Variants in NEK11 observed in about 807,000 individuals in gnomAD.
NEK11 encodes the protein serine/threonine-protein kinase Nek11.
A neutral mutation model predicts 80.7 loss-of-function variants in NEK11; 72 were observed. The observed-to-expected ratio is 0.89, with a 90% CI of 0.74 to 1.08. NEK11 has a LOEUF of 1.08. Among genes scored for constraint, NEK11 ranks in the 50% least tolerant of loss-of-function variants. The pLI is 0.00. For synonymous variants in NEK11, 251 were observed against 260.7 expected (o/e 0.96, Z 0.36); for missense variants, 764 against 763.6 (o/e 1.00, Z -0.01).
intron 4 of NEK11, among the ~76,000 whole-genome samples, chr3:131,086,654 AC>A (rs1191466649): frequency 6.6e-6 from 1 of 152,126 alleles, no homozygotes; most frequent in Admixed American, 6.5e-5. Context: ...AAGAAACAGG[AC>A]CCCAGAAAGT....
chr3:131,140,456 G>A lies in NEK11; in HGVS notation c.647+6500G>A, dbSNP rs527981145. Among the ~76,000 whole-genome samples, 337 of 152,272 alleles carry A rather than the reference G, an allele frequency of 2.2e-3. 3 individuals are homozygous for A. Among genetic ancestry groups the A allele is most frequent in the Non-Finnish European group, 2.9e-3 (198 of 68,012 alleles). ...TTGAGCATCACCAGCAGATGCTGTG[G>A]GGAGCAGGTTCAAGGCTTCCCTGTC... On this transcript the variant is annotated intron_variant, in intron 7 of 17. Coordinates refer to ENST00000383366, the MANE Select transcript of NEK11 (RefSeq NM_024800.5).
At chr3:131,203,765 GTGTATATA>G (rs2094344464) in intron 14 of NEK11, among the ~76,000 whole-genome samples, 3 of 104,320 alleles carry the variant, frequency 2.9e-5, no homozygotes, top group South Asian at 2.7e-4. Flanking sequence ...GTGTGTGTGT[GTGTATATA>G]TATATATATA....
chr3:131,103,025 G>A (rs1190539243), intron 4 of NEK11, among the ~76,000 whole-genome samples: 1 of 152,024 alleles, frequency 6.6e-6, no homozygotes, highest in Non-Finnish European at 1.5e-5. Context: ...GCTCAATTTG[G>A]TTCTTTTTTA....
intron 15 of NEK11, among the ~76,000 whole-genome samples, chr3:131,230,596 G>A (rs1380695493): frequency 1.3e-5 from 2 of 152,150 alleles, no homozygotes; most frequent in Non-Finnish European, 2.9e-5. Context: ...GTTAAAGTGA[G>A]ATTTTCTAAC....
intron 16 of NEK11, among the ~76,000 whole-genome samples, chr3:131,254,592 G>T (rs140174267): frequency 1.2e-4 from 18 of 152,336 alleles, no homozygotes; most frequent in African/African-American, 3.8e-4. Context: ...TTAATGGGAA[G>T]TGAGGTTTTG....
At chr3:131,252,523 C>T (rs2095725616) in intron 16 of NEK11, among the ~76,000 whole-genome samples, 1 of 152,054 alleles carries the variant, frequency 6.6e-6, no homozygotes, top group South Asian at 2.1e-4. Context: ...ATTTTTCTTT[C>T]TTACATCACA....
At chr3:131,027,515 C>T (rs897467947) in intron 1 of NEK11, 2 of 152,070 alleles carry the variant, frequency 1.3e-5, no homozygotes, top group Non-Finnish European at 2.9e-5. Flanking sequence ...TGGACACTTA[C>T]TTGCCTTAAC....
intron 4 of NEK11, among the ~76,000 whole-genome samples, chr3:131,103,649 C>A (rs989579549): frequency 3.5e-4 from 53 of 152,154 alleles, no homozygotes; most frequent in African/African-American, 1.2e-3. Context: ...ACTGTACCTG[C>A]ATTTCTTTTG....
chr3:131,171,435 C>T (rs746378848), intron 14 of NEK11, among the ~76,000 whole-genome samples: 4 of 152,150 alleles, frequency 2.6e-5, no homozygotes, highest in Non-Finnish European at 4.4e-5. Context: ...CAGTAAACCT[C>T]TATTTTCACT....
chr3:131,160,625 GCA>G (rs913681628), intron 10 of NEK11, among the ~76,000 whole-genome samples: 4 of 152,216 alleles, frequency 2.6e-5, no homozygotes, highest in African/African-American at 9.6e-5. Context: ...CAATTAAAAG[GCA>G]CAGTGTCGAG....
chr3:131,293,193 T>A (rs1044119287), intron 17 of NEK11, among the ~76,000 whole-genome samples: 8 of 152,176 alleles, frequency 5.3e-5, no homozygotes, highest in African/African-American at 2.4e-5. Context: ...TTTGAGTTTC[T>A]CACCCTTAAG....
At chr3:131,245,500 T>C (rs1355943049) in intron 16 of NEK11, among the ~76,000 whole-genome samples, 2 of 152,150 alleles carry the variant, frequency 1.3e-5, no homozygotes, top group Admixed American at 1.3e-4. Flanking sequence ...GAATGGTAGT[T>C]CTTTGAGCAA....
intron 16 of NEK11, among the ~76,000 whole-genome samples, chr3:131,268,265 C>T (rs563844662): frequency 2.6e-4 from 40 of 152,280 alleles, no homozygotes; most frequent in Admixed American, 1.8e-3. Context: ...CTGAAGCCTA[C>T]TTCTGTCAAT....
intron 4 of NEK11, among the ~76,000 whole-genome samples, chr3:131,107,084 C>T (rs1189787825): frequency 6.6e-6 from 1 of 152,040 alleles, no homozygotes; most frequent in Admixed American, 6.6e-5. Flanking sequence ...TCTGTGTATC[C>T]ATTAAAGAGT....
At chr3:131,267,738 C>A (rs952009245) in intron 16 of NEK11, among the ~76,000 whole-genome samples, 2 of 152,070 alleles carry the variant, frequency 1.3e-5, no homozygotes, top group Non-Finnish European at 2.9e-5. Flanking sequence ...GTGAATCTGA[C>A]GATTGCGTGT....
intron 3 of NEK11, among the ~76,000 whole-genome samples, chr3:131,069,763 T>G (rs2072888557): frequency 1.4e-5 from 2 of 147,178 alleles, no homozygotes; most frequent in African/African-American, 2.5e-5. Context: ...CACTCATAGG[T>G]GGGAACTGAA....
chr3:131,247,374 G>T (rs573523903), intron 16 of NEK11, among the ~76,000 whole-genome samples: 8 of 152,166 alleles, frequency 5.3e-5, no homozygotes, highest in Admixed American at 1.3e-4. Flanking sequence ...GTTGAATAGG[G>T]TGTCCATTTC....
chr3:131,079,435 T>C (rs1162908530), intron 3 of NEK11, among the ~76,000 whole-genome samples: 2 of 152,244 alleles, frequency 1.3e-5, no homozygotes, highest in Admixed American at 6.5e-5. Context: ...AAGATTTTTG[T>C]AAAATGTTTT....
chr3:131,166,339 C>T (rs1277370163), intron 12 of NEK11, among the ~76,000 whole-genome samples: 2 of 152,224 alleles, frequency 1.3e-5, no homozygotes, highest in African/African-American at 2.4e-5. Flanking sequence ...GACAATCCCC[C>T]AAGCCCCAGG....
Sources: allele counts gnomAD v4.1 joint callset (sites outside exome capture counted in the v4.1 genomes callset), GRCh38; gene constraint gnomAD v4.1.1; transcripts MANE v1.5; gene names NCBI Gene and HGNC (gene_info 2026-07-23, HGNC 2026-07-21).